The following SPG21 variants were observed in gnomAD, a reference collection of about 807,000 sequenced individuals.
SPG21 encodes the protein maspardin.
Under a neutral mutation model 38.9 loss-of-function variants are expected in SPG21, and 26 were observed. The observed-to-expected ratio is 0.67, with a 90% CI of 0.49 to 0.93. SPG21 has a LOEUF of 0.93. SPG21 is among the 40% of genes least tolerant of loss of function. The probability of loss-of-function intolerance (pLI) is 0.00; values close to 1 mark genes in which losing one functional copy is unlikely to be tolerated. For synonymous variants in SPG21, 136 were observed against 128.9 expected (o/e 1.05, Z -0.37); for missense variants, 333 against 376.5 (o/e 0.88, Z 0.96).
chr15:64,985,039 G>A (rs1215007856), intron 1 of SPG21, among the ~76,000 whole-genome samples: 1 of 152,108 alleles, frequency 6.6e-6, no homozygotes, highest in Non-Finnish European at 1.5e-5. Context: ...ATGAGCCACC[G>A]TGCCCCGCCT....
At chr15:64,971,718 C>T (rs1050116567) in intron 5 of SPG21, among the ~76,000 whole-genome samples, 6 of 152,096 alleles carry the variant, frequency 3.9e-5, no homozygotes, top group African/African-American at 1.4e-4. Flanking sequence ...CGCCTGTAAT[C>T]CCAGCTACTT....
chr15:64,980,305 C>T (rs550745497), intron 3 of SPG21, among the ~76,000 whole-genome samples: 20 of 152,230 alleles, frequency 1.3e-4, no homozygotes, highest in African/African-American at 4.6e-4. Flanking sequence ...AGAGAATGCA[C>T]GTAAATGCTG....
intron 1 of SPG21, chr15:64,987,531 G>C (rs759987144): frequency 7.9e-5 from 12 of 152,340 alleles, no homozygotes; most frequent in South Asian, 2.1e-4. Flanking sequence ...GACCAAACTG[G>C]TCAGTACTGA....
At position 64,969,343 on chromosome 15, in the gene SPG21, C is replaced by T; in HGVS notation, c.581G>A (p.Ser194Asn). ...MVDRLESLGQSELASRLTLNC... is the reference protein window; with the variant it reads ...MVDRLESLGQNELASRLTLNC... ...CAAGGTAAGTCTTGAAGCCAGTTCACTCTGACCCAAACTTTCTAGCTGCAG... is the reference window on the plus strand; with the variant it reads ...CAAGGTAAGTCTTGAAGCCAGTTCATTCTGACCCAAACTTTCTAGCTGCAG... The change falls in exon 7 of 9, where the codon AGT becomes AAT. Residue 194 changes from serine to asparagine, a missense_variant. Ser to Asn is a conservative substitution (Grantham distance 46, BLOSUM62 1). Transcript: ENST00000204566. 1 of 1,613,910 alleles carries T rather than the reference C, an allele frequency of 6.2e-7. No homozygotes were observed. Among genetic ancestry groups the T allele is most frequent in the Non-Finnish European group, 8.5e-7 (1 of 1,179,822 alleles).
intron 6 of SPG21, 139 bp downstream of exon 6, chr15:64,969,975 A>G (rs1475396457): frequency 2.5e-6 from 2 of 810,850 alleles, no homozygotes; most frequent in Non-Finnish European, 4.3e-6. Context: ...CTTACCAGCA[A>G]TAATATCTGC....
At chr15:64,973,858 T>A (rs1021544406) in intron 5 of SPG21, among the ~76,000 whole-genome samples, 2 of 152,168 alleles carry the variant, frequency 1.3e-5, no homozygotes, top group Non-Finnish European at 2.9e-5. Flanking sequence ...TTGGAGAACA[T>A]ATCTCAAGGA....
chr15:64,989,544 G>A (rs937164497), intron 1 of SPG21, 121 bp downstream of exon 1: 11 of 153,606 alleles, frequency 7.2e-5, no homozygotes, highest in Non-Finnish European at 1.2e-4. Context: ...CACATGGACC[G>A]GCCCACTCAG....
chr15:64,979,845 C>CAAAAAAAAAAA, intron 3 of SPG21, among the ~76,000 whole-genome samples: 1 of 89,552 alleles, frequency 1.1e-5, no homozygotes. Flanking sequence ...TGGAAGCATG[C>CAAAAAAAAAAA]AAAAAAAAAA....
chr15:64,970,312 A>T, intron 5 of SPG21, 90 bp from the exon 6 acceptor site: 1 of 1,150,670 alleles, frequency 8.7e-7, no homozygotes, highest in East Asian at 2.4e-5. Flanking sequence ...TTAGCTTGGG[A>T]TCTAGAAATA....
chr15:64,983,902 G>A (rs2085935089), intron 1 of SPG21, among the ~76,000 whole-genome samples: 1 of 151,556 alleles, frequency 6.6e-6, no homozygotes, highest in African/African-American at 2.4e-5. Flanking sequence ...TCCTGCCTCA[G>A]CCTCCCGAGT....
intron 1 of SPG21, among the ~76,000 whole-genome samples, chr15:64,984,700 C>T (rs989380692): frequency 4.0e-5 from 6 of 151,894 alleles, no homozygotes; most frequent in South Asian, 2.1e-4. Flanking sequence ...ATTCGCAATA[C>T]ACCATAAATC....
At chr15:64,985,925 G>C (rs1347484617) in intron 1 of SPG21, among the ~76,000 whole-genome samples, 2 of 152,180 alleles carry the variant, frequency 1.3e-5, no homozygotes, top group Non-Finnish European at 2.9e-5. Flanking sequence ...TCAAAGCTAA[G>C]ATGGTAATTT....
At chr15:64,969,581 G>A (rs1307308768) in intron 6 of SPG21, among the ~76,000 whole-genome samples, 1 of 151,990 alleles carries the variant, frequency 6.6e-6, no homozygotes, top group Non-Finnish European at 1.5e-5. Context: ...ACAAACCAAT[G>A]AAACCCGGCC....
At chr15:64,969,399 TTTTG>T (rs1313908910) in intron 6 of SPG21, 37 bp from the exon 7 acceptor site, 1 of 1,466,432 alleles carries the variant, frequency 6.8e-7, no homozygotes, top group Non-Finnish European at 9.6e-7. Context: ...TTTGAAATAA[TTTTG>T]TTTTTCACAT....
intron 8 of SPG21, among the ~76,000 whole-genome samples, chr15:64,964,297 G>T (rs1464144208): frequency 1.3e-5 from 2 of 152,158 alleles, no homozygotes; most frequent in African/African-American, 2.4e-5. Context: ...ATCTTAGATG[G>T]TGCATGCTCA....
chr15:64,965,991 C>T (rs1227911920), intron 7 of SPG21, among the ~76,000 whole-genome samples: 2 of 152,116 alleles, frequency 1.3e-5, no homozygotes, highest in African/African-American at 4.8e-5. Context: ...CGTGAGCCAC[C>T]AAGCCCGGCT....
chr15:64,980,851 CA>C lies in SPG21; in HGVS notation c.225+12del. 1 of 1,611,734 alleles carries C rather than the reference CA, an allele frequency of 6.2e-7. No individual in the cohort carries two copies. The highest frequency in any genetic ancestry group is 8.5e-7 in the Non-Finnish European group (1 of 1,179,278). ...ACAAAACGTGGGTCTGAATTTTAAT[CA>C]GTAATACTTACAGCGATAACCCGGT... On this transcript the variant is annotated intron_variant, in intron 3 of 8. Transcript: ENST00000204566.
chr15:64,983,559 A>G lies in SPG21; in HGVS notation c.11T>C (p.Ile4Thr). The G allele has an allele frequency of 6.4e-7, 1 of 1,574,632 alleles. No homozygotes were observed. Among genetic ancestry groups the G allele is most frequent in the Non-Finnish European group, 8.7e-7 (1 of 1,155,834 alleles). The change falls in exon 2 of 9, where the codon ATT becomes ACT. Residue 4 changes from isoleucine to threonine, a missense_variant. Physicochemically the swap from Ile to Thr is moderately conservative, Grantham distance 89. Coordinates refer to ENST00000204566, the MANE Select transcript of SPG21 (RefSeq NM_016630.7). Reference protein sequence around the residue: MGEIKVSPDYNWFR... With the variant: MGETKVSPDYNWFR... ...CCAGTTATAATCAGGAGAGACTTTA[A>G]TCTCTCCCATGATTAGCTGAAATGG...
At chr15:64,974,784 C>G in intron 4 of SPG21, 37 bp from the exon 5 acceptor site, 1 of 1,613,484 alleles carries the variant, frequency 6.2e-7, no homozygotes, top group Non-Finnish European at 8.5e-7. Context: ...TTCTGAAATA[C>G]TGATCAATCT....
Sources: allele counts gnomAD v4.1 joint callset (sites outside exome capture counted in the v4.1 genomes callset), GRCh38; gene constraint gnomAD v4.1.1; transcripts MANE v1.5; gene names NCBI Gene and HGNC (gene_info 2026-07-23, HGNC 2026-07-21).